MCF2L2: variants seen among roughly 807,000 people sequenced by gnomAD.
The protein encoded by MCF2L2 is MCF.2 cell line derived transforming sequence-like 2.
Under a neutral mutation model 150.2 loss-of-function variants are expected in MCF2L2, and 102 were observed. The ratio of observed to expected loss-of-function variants is 0.68; its 90% CI spans 0.58 to 0.80. MCF2L2 has a LOEUF of 0.80. Among genes scored for constraint, MCF2L2 ranks in the 30% least tolerant of loss-of-function variants. The pLI is 0.00. For synonymous variants in MCF2L2, 465 were observed against 491.3 expected (o/e 0.95, Z 0.71); for missense variants, 1,256 against 1,372.8 (o/e 0.91, Z 1.34).
At chr3:183,345,213 A>AGACC (rs1730853668) in intron 3 of MCF2L2, among the ~76,000 whole-genome samples, 1 of 152,236 alleles carries the variant, frequency 6.6e-6, no homozygotes, top group Non-Finnish European at 1.5e-5. Context: ...AATCATAACA[A>AGACC]ACAGTCTCTC....
At chr3:183,379,211 A>C in intron 3 of MCF2L2, 86 bp downstream of exon 3, 1 of 910,042 alleles carries the variant, frequency 1.1e-6, no homozygotes, top group Non-Finnish European at 1.7e-6. Flanking sequence ...TGCTCATGGA[A>C]GTATATGTCT....
At chr3:183,200,828 A>G (rs1173337795) in intron 25 of MCF2L2, among the ~76,000 whole-genome samples, 3 of 152,196 alleles carry the variant, frequency 2.0e-5, no homozygotes, top group Admixed American at 2.0e-4. Flanking sequence ...ATCCAGTTTC[A>G]GCTTTCTACA....
intron 1 of MCF2L2, among the ~76,000 whole-genome samples, chr3:183,400,800 G>C (rs2108611084): frequency 6.6e-6 from 1 of 151,284 alleles, no homozygotes; most frequent in Admixed American, 6.6e-5. Flanking sequence ...ACACAAATCA[G>C]GCCACCAGAT....
chr3:183,357,924 T>C (rs1172068970), intron 3 of MCF2L2, among the ~76,000 whole-genome samples: 1 of 151,810 alleles, frequency 6.6e-6, no homozygotes, highest in Non-Finnish European at 1.5e-5. Flanking sequence ...TATGTTTATC[T>C]ATAGCACAGA....
intron 1 of MCF2L2, among the ~76,000 whole-genome samples, chr3:183,426,044 AGGT>A (rs1716148590): frequency 1.3e-5 from 2 of 152,160 alleles, no homozygotes; most frequent in Non-Finnish European, 2.9e-5. Flanking sequence ...CCCATTTCAC[AGGT>A]TTTATTAGAT....
At chr3:183,402,917 C>T (rs987762148) in intron 1 of MCF2L2, among the ~76,000 whole-genome samples, 6 of 136,462 alleles carry the variant, frequency 4.4e-5, no homozygotes, top group African/African-American at 8.3e-5. Context: ...AATAAAACCA[C>T]TAAAAGATAC....
In MCF2L2 at chr3:183,197,704, TA is replaced by T. The variant is rs1238518114; in HGVS notation, c.2885-2450del. On this transcript the variant is annotated intron_variant, in intron 25 of 29. Coordinates refer to ENST00000328913, the MANE Select transcript of MCF2L2 (RefSeq NM_015078.4). This position sits in a 1 kb window ranked among gnomAD's most constrained non-coding sequence, Gnocchi z 4.5. Reference sequence around the variant, plus strand: ...CTAGAAGAAAATATTTACAAAGCATTAAAAGGACATATATCTAGGATATACA... The same window carrying T: ...CTAGAAGAAAATATTTACAAAGCATTAAAGGACATATATCTAGGATATACA... Among the ~76,000 whole-genome samples, 1 of 152,006 alleles carries T rather than the reference TA, an allele frequency of 6.6e-6. No individual in the cohort carries two copies.
chr3:183,353,104 T>C (rs1287769498), intron 3 of MCF2L2, among the ~76,000 whole-genome samples: 2 of 152,214 alleles, frequency 1.3e-5, no homozygotes, highest in Non-Finnish European at 1.5e-5. Flanking sequence ...TACTAGTCTG[T>C]TGGCTTTCGC....
At chr3:183,217,823 G>A (rs2029926) in intron 21 of MCF2L2, among the ~76,000 whole-genome samples, 1,680 of 152,214 alleles carry the variant, frequency 0.011, 28 homozygotes, top group African/African-American at 0.038. Flanking sequence ...AGCATTCAGC[G>A]GAAAAGCAGT....
rs539779390 is a variant in MCF2L2 at position 183,415,186 on chromosome 3, T to A, written c.76+12716A>T. Among the ~76,000 whole-genome samples, 31 of 146,120 alleles carry A rather than the reference T, an allele frequency of 2.1e-4. No homozygotes were observed. In the South Asian group the frequency reaches 6.1e-3, roughly 29 times the overall value. On this transcript the variant is annotated intron_variant, in intron 1 of 29. Transcript: ENST00000328913. ...CAACTATTATGTTTAATAGTTGAAC[T>A]GAATTTTTTTTTTTTTGAGACGGAG...
Position 183,296,985 on chromosome 3 carries a change from G to A in MCF2L2, c.1488C>T (p.Leu496=), listed in dbSNP as rs769400429. ...FYNEFELLLT[L]DAKAKAQKVL... Reference sequence around the variant, plus strand: ...AACCCGGAAGCATTACCTTTGCATCGAGGGTGAGCAGCAACTCAAACTCGT... The same window carrying A: ...AACCCGGAAGCATTACCTTTGCATCAAGGGTGAGCAGCAACTCAAACTCGT... The change falls in exon 12 of 30, where the codon CTC becomes CTT. Residue 496 remains leucine (L), a synonymous_variant. Transcript: ENST00000328913. 21 of 1,613,464 alleles carry A rather than the reference G, an allele frequency of 1.3e-5. No homozygotes were observed. The Admixed American group carries it at 2.2e-4, about 17-fold the overall frequency.
At chr3:183,194,505 A>T (rs1722016904) in intron 26 of MCF2L2, among the ~76,000 whole-genome samples, 1 of 152,286 alleles carries the variant, frequency 6.6e-6, no homozygotes, top group East Asian at 1.9e-4. Context: ...GGAGGAGGTA[A>T]CATCAGAGGG....
chr3:183,193,636 T>C (rs892540485), intron 26 of MCF2L2, among the ~76,000 whole-genome samples: 1 of 152,148 alleles, frequency 6.6e-6, no homozygotes, highest in African/African-American at 2.4e-5. Context: ...TGGCTACAAA[T>C]CTTAAAGGGG....
intron 10 of MCF2L2, among the ~76,000 whole-genome samples, chr3:183,306,490 C>T (rs903274047): frequency 3.9e-5 from 6 of 152,092 alleles, no homozygotes; most frequent in East Asian, 1.9e-4. Flanking sequence ...TATTTCCCCC[C>T]GAGGACTCTG....
intron 15 of MCF2L2, among the ~76,000 whole-genome samples, chr3:183,268,163 G>C (rs6795339): frequency 0.026 from 3,927 of 152,322 alleles, 176 homozygotes; most frequent in African/African-American, 0.087. Flanking sequence ...AAAGACCAGG[G>C]CATATGAAAT....
intron 27 of MCF2L2, among the ~76,000 whole-genome samples, chr3:183,188,389 T>C (rs936904683): frequency 6.6e-6 from 1 of 152,176 alleles, no homozygotes. Flanking sequence ...AGAGTCATGA[T>C]GGGCAAGGTC....
At chr3:183,377,397 C>T (rs1577105363) in intron 3 of MCF2L2, 1 of 152,118 alleles carries the variant, frequency 6.6e-6, no homozygotes, top group Non-Finnish European at 1.5e-5. Flanking sequence ...GCGCATAGTA[C>T]AGAATAGCAT....
chr3:183,310,638 G>C lies in MCF2L2; in HGVS notation c.993+277C>G, dbSNP rs980639515. ...TGATCACACCACTGCACTCCGGCCGGAGTGACAGAGCAAGACCCTGTTTCA... is the reference window on the plus strand; with the variant it reads ...TGATCACACCACTGCACTCCGGCCGCAGTGACAGAGCAAGACCCTGTTTCA... On this transcript the variant is annotated intron_variant, in intron 9 of 29. Coordinates refer to ENST00000328913, the MANE Select transcript of MCF2L2 (RefSeq NM_015078.4). The C allele has an allele frequency of 3.4e-5, 12 of 353,850 alleles. No individual in the cohort carries two copies. The South Asian group carries it at 3.5e-4, about 10-fold the overall frequency. The allele number at this position is 353,850 out of a possible 1,614,324, so 21.9% of individuals were successfully genotyped here.
intron 15 of MCF2L2, chr3:183,272,822 C>T (rs1348823651): frequency 1.2e-5 from 15 of 1,216,670 alleles, no homozygotes; most frequent in Admixed American, 4.5e-5. Context: ...TTAAGGTTGC[C>T]ATTGGTTGAA....
Sources: allele counts gnomAD v4.1 joint callset (sites outside exome capture counted in the v4.1 genomes callset), GRCh38; gene constraint gnomAD v4.1.1; non-coding constraint Gnocchi (gnomAD v3.1); transcripts MANE v1.5; gene names NCBI Gene and HGNC (gene_info 2026-07-23, HGNC 2026-07-21).